Variants in BDH2 observed in about 807,000 individuals in gnomAD.
The protein encoded by BDH2 is dehydrogenase/reductase SDR family member 6.
A neutral mutation model predicts 33.2 loss-of-function variants in BDH2; 24 were observed. The ratio of observed to expected loss-of-function variants is 0.72; its 90% CI spans 0.52 to 1.02. The LOEUF (loss-of-function observed/expected upper bound fraction) is 1.02, where lower values mean the gene tolerates loss of function less well. Ranked by LOEUF, BDH2 falls within the 50% of genes least tolerant of loss-of-function variation. BDH2 has a pLI of 0.00. For missense variants in BDH2, 249 were observed against 301.6 expected (o/e 0.83, Z 1.29); for synonymous variants, 81 against 101.6 (o/e 0.80, Z 1.22).
chr4:103,092,741 T>C (rs201986469), intron 3 of BDH2, 45 bp from the exon 4 acceptor site: 2 of 1,408,644 alleles, frequency 1.4e-6, no homozygotes, highest in African/African-American at 1.4e-5. Flanking sequence ...ATGTTTAGCC[T>C]TGAAGGTTTA....
Position 103,096,174 on chromosome 4 carries a change from A to G in BDH2, c.72+9T>C, listed in dbSNP as rs775118333. On this transcript the variant is annotated intron_variant, in intron 2 of 9. Coordinates refer to ENST00000296424, the MANE Select transcript of BDH2 (RefSeq NM_020139.4). Reference sequence around the variant, plus strand: ...AGGCAAACAACAAAGATAGTAACTTATAACTTACTAAGGCAGCTGCTTGGC... The same window carrying G: ...AGGCAAACAACAAAGATAGTAACTTGTAACTTACTAAGGCAGCTGCTTGGC... 16 of 1,606,436 alleles carry G rather than the reference A, an allele frequency of 1.0e-5. No homozygotes were observed. Among genetic ancestry groups the G allele is most frequent in the Non-Finnish European group, 1.4e-5 (16 of 1,173,796 alleles).
intron 9 of BDH2, among the ~76,000 whole-genome samples, chr4:103,081,246 G>A (rs566959134): frequency 6.6e-6 from 1 of 152,344 alleles, no homozygotes; most frequent in Admixed American, 6.5e-5. Context: ...CAAAGTGGAA[G>A]AGATTAAATT....
At chr4:103,082,238 G>T (rs1747561579) in intron 8 of BDH2, 65 bp from the exon 9 acceptor site, 1 of 1,381,524 alleles carries the variant, frequency 7.2e-7, no homozygotes, top group Non-Finnish European at 1.0e-6. Context: ...CCTGCATCTT[G>T]TTCAAGGAGT....
chr4:103,081,837 C>G (rs906888651), intron 9 of BDH2, among the ~76,000 whole-genome samples: 3 of 152,164 alleles, frequency 2.0e-5, no homozygotes, highest in African/African-American at 7.2e-5. Context: ...AGCACTTTAA[C>G]TTTTTTAGTC....
intron 9 of BDH2, among the ~76,000 whole-genome samples, chr4:103,081,368 G>A (rs1747519178): frequency 6.6e-6 from 1 of 152,178 alleles, no homozygotes; most frequent in Non-Finnish European, 1.5e-5. Flanking sequence ...CGCAATCCCG[G>A]CTCACTGCAA....
chr4:103,086,320 G>A, intron 6 of BDH2, 160 bp downstream of exon 6: 1 of 1,328,332 alleles, frequency 7.5e-7, no homozygotes, highest in Non-Finnish European at 9.6e-7. Flanking sequence ...GAGAGCAAAA[G>A]ATCTGTGGTT....
chr4:103,091,124 A>C, intron 5 of BDH2, 53 bp downstream of exon 5: 1 of 1,137,364 alleles, frequency 8.8e-7, no homozygotes, highest in Admixed American at 1.7e-5. Flanking sequence ...CTGTGTGCCC[A>C]GTACAGAGAC....
At chr4:103,091,656 GA>G (rs1227553413) in intron 4 of BDH2, 4 of 451,452 alleles carry the variant, frequency 8.9e-6, no homozygotes, top group African/African-American at 8.1e-5. Context: ...GAGGCAAGAG[GA>G]CCACTTGAGC....
At chr4:103,098,776 T>A (rs1748522936) in intron 1 of BDH2, 2 of 152,194 alleles carry the variant, frequency 1.3e-5, no homozygotes, top group African/African-American at 4.8e-5. Context: ...AGTTCTCTCC[T>A]CATTCTCTCT....
chr4:103,095,217 A>G lies in BDH2; in HGVS notation c.137T>C (p.Leu46Pro). 1 of 1,613,652 alleles carries G rather than the reference A, an allele frequency of 6.2e-7. No homozygotes were observed. The highest frequency in any genetic ancestry group is 2.2e-5 in the East Asian group (1 of 44,854). The change falls in exon 3 of 10, where the codon CTG becomes CCG. Residue 46 changes from leucine (L) to proline (P), a missense_variant. By Grantham distance (98) the Leu-to-Pro change is moderately conservative. Coordinates refer to ENST00000296424, the MANE Select transcript of BDH2 (RefSeq NM_020139.4). ...TDINESKLQELEKYPGIQTRV... is the reference protein window; with the variant it reads ...TDINESKLQEPEKYPGIQTRV... The stretch of plus-strand genomic sequence containing the variant: ...GAGTTGCTTACCCGGGTACTTTTCC[A>G]GTTCCTGAAGTTTGGACTCATTAAT...
At chr4:103,088,996 C>T (rs1560572434) in intron 5 of BDH2, among the ~76,000 whole-genome samples, 1 of 152,202 alleles carries the variant, frequency 6.6e-6, no homozygotes, top group Non-Finnish European at 1.5e-5. Flanking sequence ...AGCCTGGATT[C>T]TGCATTGACC....
At position 103,078,730 on chromosome 4, in the gene BDH2, A is replaced by C. The variant is rs184203473; in HGVS notation, c.*972T>G. On this transcript the variant is annotated 3_prime_UTR_variant, in exon 10 of 10. Transcript: ENST00000296424. ...TACAGAACAATGCAGAATTATATAA[A>C]AATATTTGAATATTGAAAAATGAAG... is the stretch of plus-strand genomic sequence containing the variant. 2.0e-5 allele frequency among the ~76,000 whole-genome samples: 3 copies of C among 152,164 alleles called. 1 individual carries two copies. The highest frequency in any genetic ancestry group is 7.2e-5 in the African/African-American group (3 of 41,426).
chr4:103,084,304 G>A (rs1057117165), intron 7 of BDH2, among the ~76,000 whole-genome samples: 3 of 152,146 alleles, frequency 2.0e-5, no homozygotes, highest in Non-Finnish European at 2.9e-5. Flanking sequence ...GTATTCCAAT[G>A]TCACTGGGTT....
chr4:103,089,794 T>C (rs1747985554), intron 5 of BDH2, among the ~76,000 whole-genome samples: 2 of 152,154 alleles, frequency 1.3e-5, no homozygotes, highest in African/African-American at 4.8e-5. Context: ...TTCCAAATAC[T>C]ATAGTTTCTC....
At chr4:103,081,358 C>T (rs747590669) in intron 9 of BDH2, among the ~76,000 whole-genome samples, 61 of 152,246 alleles carry the variant, frequency 4.0e-4, no homozygotes, top group Middle Eastern at 3.4e-3. Context: ...AGTGCAGTGG[C>T]GCAATCCCGG....
At chr4:103,098,192 G>A (rs983363377) in intron 1 of BDH2, among the ~76,000 whole-genome samples, 1 of 152,166 alleles carries the variant, frequency 6.6e-6, no homozygotes, top group African/African-American at 2.4e-5. Flanking sequence ...TGGTGAAATA[G>A]CAGGGCTGGA....
At chr4:103,086,406 C>T (rs955362408) in intron 6 of BDH2, 74 bp downstream of exon 6, 31 of 1,537,142 alleles carry the variant, frequency 2.0e-5, no homozygotes, top group Non-Finnish European at 2.4e-5. Context: ...CTCTGCTATG[C>T]CTGTTCCCAA....
At chr4:103,091,094 A>G (rs1249981174) in intron 5 of BDH2, 83 bp downstream of exon 5, 7 of 776,352 alleles carry the variant, frequency 9.0e-6, no homozygotes, top group Non-Finnish European at 1.3e-5. Context: ...ATCACTCTTC[A>G]GCACATGTGG....
intron 5 of BDH2, among the ~76,000 whole-genome samples, chr4:103,087,471 G>T (rs895124299): frequency 1.3e-5 from 2 of 152,224 alleles, no homozygotes; most frequent in Non-Finnish European, 2.9e-5. Flanking sequence ...CTGAGGAGGA[G>T]AGGGCTGAGG....
Sources: gnomAD v4.1 joint callset for allele counts (sites outside exome capture counted in the v4.1 genomes callset) on GRCh38, gnomAD v4.1.1 for gene constraint, MANE v1.5 for transcripts, NCBI Gene and HGNC (gene_info 2026-07-23, HGNC 2026-07-21) for gene names.